Variants in GLRA3 observed in about 807,000 individuals in gnomAD.
GLRA3 encodes the protein glycine receptor subunit alpha-3.
Under a neutral mutation model 60.4 loss-of-function variants are expected in GLRA3, and 44 were observed. The ratio of observed to expected loss-of-function variants is 0.73; its 90% CI spans 0.57 to 0.94. The LOEUF (loss-of-function observed/expected upper bound fraction) is 0.94, where lower values mean the gene tolerates loss of function less well. GLRA3 is among the 40% of genes least tolerant of loss of function. The probability of loss-of-function intolerance (pLI) is 0.00; values close to 1 mark genes in which losing one functional copy is unlikely to be tolerated. For synonymous variants in GLRA3, 223 were observed against 192.9 expected (o/e 1.16, Z -1.29); for missense variants, 508 against 564.6 (o/e 0.90, Z 1.02).
At chr4:174,767,095 C>A (rs891555314) in intron 2 of GLRA3, 65 bp from the exon 3 acceptor site, 2 of 797,578 alleles carry the variant, frequency 2.5e-6, no homozygotes, top group Non-Finnish European at 4.4e-6. Flanking sequence ...CAAATAATTC[C>A]TTGCATTCCA....
chr4:174,714,879 G>A (rs1183873357), intron 5 of GLRA3, among the ~76,000 whole-genome samples: 4 of 152,188 alleles, frequency 2.6e-5, no homozygotes, highest in Admixed American at 2.6e-4. Context: ...TTTGAAAGAA[G>A]AAATGTAGAG....
At chr4:174,778,904 G>T (rs1317799740) in intron 2 of GLRA3, among the ~76,000 whole-genome samples, 2 of 152,170 alleles carry the variant, frequency 1.3e-5, no homozygotes, top group African/African-American at 4.8e-5. Context: ...AGGGGCGCCC[G>T]CCATTGCCCA....
intron 5 of GLRA3, among the ~76,000 whole-genome samples, chr4:174,706,087 G>A (rs149255509): frequency 4.6e-5 from 7 of 151,648 alleles, no homozygotes; most frequent in Non-Finnish European, 8.8e-5. Context: ...AAAATTAGCC[G>A]GGCGTGGTGG....
At chr4:174,721,012 T>TGG (rs2111110974) in intron 4 of GLRA3, among the ~76,000 whole-genome samples, 1 of 131,646 alleles carries the variant, frequency 7.6e-6, no homozygotes, top group South Asian at 2.4e-4. Flanking sequence ...GAACTTTGTG[T>TGG]GTGTGTGTGT....
chr4:174,643,705 C>G lies in GLRA3; in HGVS notation c.*81G>C, dbSNP rs1464440331. The G allele has an allele frequency of 2.6e-6, 4 of 1,518,186 alleles. No homozygotes were observed. Among genetic ancestry groups the G allele is most frequent in the South Asian group, 2.7e-5 (2 of 74,172 alleles). 94.0% of individuals were successfully genotyped at this position (1,518,186 alleles called of 1,614,324 possible). A position where few individuals can be genotyped will look rare whatever the true frequency, so the allele number is the denominator to read the frequency against. On this transcript the variant is annotated 3_prime_UTR_variant, in exon 10 of 10. Transcript: ENST00000274093. The stretch of plus-strand genomic sequence containing the variant: ...CAATGGTCATCATTTGTATACCACA[C>G]GCACACATATACACATACACACCTA...
intron 5 of GLRA3, among the ~76,000 whole-genome samples, chr4:174,684,181 G>C (rs1734464345): frequency 6.8e-6 from 1 of 146,606 alleles, no homozygotes; most frequent in South Asian, 2.2e-4. Flanking sequence ...CCAGTATATT[G>C]CTGGCAGCTA....
chr4:174,659,831 G>T (rs1032117026), intron 7 of GLRA3, among the ~76,000 whole-genome samples: 2 of 151,902 alleles, frequency 1.3e-5, no homozygotes, highest in Non-Finnish European at 2.9e-5. Flanking sequence ...AATTAGCCGG[G>T]TGTGGTGGCG....
At chr4:174,781,874 A>T (rs1738889017) in intron 2 of GLRA3, among the ~76,000 whole-genome samples, 1 of 152,240 alleles carries the variant, frequency 6.6e-6, no homozygotes, top group African/African-American at 2.4e-5. Flanking sequence ...TCACAGCCGA[A>T]TTCTACCAGA....
At chr4:174,778,761 G>A (rs1053360941) in intron 2 of GLRA3, among the ~76,000 whole-genome samples, 9 of 152,230 alleles carry the variant, frequency 5.9e-5, no homozygotes, top group Non-Finnish European at 1.2e-4. Flanking sequence ...GCGCTTTTCC[G>A]ACAGGCTTAA....
chr4:174,699,881 T>C (rs894797470), intron 5 of GLRA3, among the ~76,000 whole-genome samples: 1 of 151,480 alleles, frequency 6.6e-6, no homozygotes, highest in Non-Finnish European at 1.5e-5. Context: ...AATACTTAAT[T>C]TGTTAATTAT....
At chr4:174,693,245 A>G (rs1251261130) in intron 5 of GLRA3, among the ~76,000 whole-genome samples, 2 of 152,182 alleles carry the variant, frequency 1.3e-5, no homozygotes, top group African/African-American at 2.4e-5. Flanking sequence ...TTTTATGTCC[A>G]GGATTGTATT....
chr4:174,779,050 T>C (rs1218676326), intron 2 of GLRA3, among the ~76,000 whole-genome samples: 1 of 152,186 alleles, frequency 6.6e-6, no homozygotes, highest in Non-Finnish European at 1.5e-5. Context: ...AGCAGTAACT[T>C]CTGCAGACTT....
chr4:174,757,617 C>G (rs1478838850), intron 3 of GLRA3, among the ~76,000 whole-genome samples: 1 of 151,966 alleles, frequency 6.6e-6, no homozygotes, highest in African/African-American at 2.4e-5. Flanking sequence ...AATTTTAACT[C>G]AAAGCATAAA....
At chr4:174,785,946 T>G (rs987205124) in intron 2 of GLRA3, among the ~76,000 whole-genome samples, 6 of 147,244 alleles carry the variant, frequency 4.1e-5, no homozygotes, top group African/African-American at 1.5e-4. Flanking sequence ...GTTTTTTTTT[T>G]TTTTTTTTTT....
intron 7 of GLRA3, among the ~76,000 whole-genome samples, chr4:174,669,452 T>G (rs1384848130): frequency 1.3e-5 from 2 of 152,188 alleles, no homozygotes; most frequent in Non-Finnish European, 2.9e-5. Context: ...CTGACATTTA[T>G]TATCCTGGAG....
At chr4:174,730,144 T>C (rs759461648) in intron 3 of GLRA3, among the ~76,000 whole-genome samples, 15 of 152,166 alleles carry the variant, frequency 9.9e-5, no homozygotes, top group Non-Finnish European at 1.9e-4. Context: ...CTCACGATAT[T>C]GTGGAAATCT....
chr4:174,645,401 C>T (rs1489966586), intron 9 of GLRA3, among the ~76,000 whole-genome samples: 1 of 124,260 alleles, frequency 8.0e-6, no homozygotes, highest in Admixed American at 9.6e-5. Flanking sequence ...GCCTGAGCGA[C>T]AGAGTGAGAC....
At chr4:174,646,458 T>TATG (rs937333001) in intron 9 of GLRA3, among the ~76,000 whole-genome samples, 3 of 152,226 alleles carry the variant, frequency 2.0e-5, no homozygotes, top group Non-Finnish European at 4.4e-5. Context: ...ACAATGGAGA[T>TATG]AAGCTACAGG....
intron 3 of GLRA3, among the ~76,000 whole-genome samples, chr4:174,761,876 A>G (rs1335479187): frequency 6.6e-6 from 1 of 152,126 alleles, no homozygotes; most frequent in Non-Finnish European, 1.5e-5. Flanking sequence ...TTTTTTGCAT[A>G]TGTATTGAAT....
Sources: allele counts gnomAD v4.1 joint callset (sites outside exome capture counted in the v4.1 genomes callset), GRCh38; gene constraint gnomAD v4.1.1; transcripts MANE v1.5; gene names NCBI Gene and HGNC (gene_info 2026-07-23, HGNC 2026-07-21).